Variants in SLMAP observed in about 807,000 individuals in gnomAD.
SLMAP encodes the protein sarcolemma associated protein, also known as sarcolemmal membrane-associated protein.
In SLMAP, 44 loss-of-function variants were observed where a neutral mutation model predicts 128.8. The observed-to-expected ratio is 0.34, with a 90% CI of 0.27 to 0.44. SLMAP has a LOEUF of 0.44. Ranked by LOEUF, SLMAP falls within the 20% of genes least tolerant of loss-of-function variation. The pLI, the probability that SLMAP is intolerant of heterozygous loss-of-function variation, is 1.00. For synonymous variants in SLMAP, 327 were observed against 348.8 expected, an observed-to-expected ratio of 0.94 and a Z score of 0.70; for missense variants, 787 against 985.3, an observed-to-expected ratio of 0.80 and a Z score of 2.69.
intron 21 of SLMAP, among the ~76,000 whole-genome samples, chr3:57,916,092 G>A (rs1377476601): frequency 6.6e-6 from 1 of 151,122 alleles, no homozygotes; most frequent in Admixed American, 6.6e-5. Context: ...GGAGGCAGAG[G>A]TTGCAGTGAG....
At chr3:57,891,980 G>T (rs911831675) in intron 15 of SLMAP, among the ~76,000 whole-genome samples, 1 of 151,872 alleles carries the variant, frequency 6.6e-6, no homozygotes, top group East Asian at 1.9e-4. Context: ...CATTAATAAG[G>T]GTATTTATTA....
intron 2 of SLMAP, among the ~76,000 whole-genome samples, chr3:57,765,905 TAC>T (rs1167392455): frequency 6.6e-6 from 1 of 152,158 alleles, no homozygotes; most frequent in African/African-American, 2.4e-5. Flanking sequence ...ACAGTGTATA[TAC>T]TTAAAGCATT....
Position 57,757,619 on chromosome 3 carries a change from C to A in SLMAP, c.-33C>A. On this transcript the variant is annotated 5_prime_UTR_variant, in exon 2 of 25. Coordinates refer to ENST00000671191, the MANE Select transcript of SLMAP (RefSeq NM_001377540.1). ...GGATCCGGAGGAACTCCTCTTTGTC[C>A]CTGGTAGGAGAGACACCCCCAGTCT... 1 of 1,608,700 alleles carries A rather than the reference C, an allele frequency of 6.2e-7. No individual in the cohort carries two copies. The highest frequency in any genetic ancestry group is 8.5e-7 in the Non-Finnish European group (1 of 1,176,282).
intron 6 of SLMAP, among the ~76,000 whole-genome samples, chr3:57,854,987 A>G (rs974107279): frequency 6.6e-6 from 1 of 152,228 alleles, no homozygotes; most frequent in African/African-American, 2.4e-5. Flanking sequence ...CTACAAACCC[A>G]TACAGCATGT....
intron 2 of SLMAP, among the ~76,000 whole-genome samples, chr3:57,825,859 C>A (rs1349200234): frequency 6.6e-6 from 1 of 152,026 alleles, no homozygotes; most frequent in African/African-American, 2.4e-5. Context: ...TGCCACAAAG[C>A]TTTCCTATAT....
intron 2 of SLMAP, among the ~76,000 whole-genome samples, chr3:57,762,726 T>TC (rs2078935146): frequency 6.8e-6 from 1 of 147,688 alleles, no homozygotes; most frequent in Non-Finnish European, 1.5e-5. Flanking sequence ...TTTTTTTTTT[T>TC]TTTTTTTGAG....
At chr3:57,846,756 A>C (rs2094277046) in intron 4 of SLMAP, among the ~76,000 whole-genome samples, 1 of 151,894 alleles carries the variant, frequency 6.6e-6, no homozygotes, top group Admixed American at 6.6e-5. Context: ...ACAGGGTTTC[A>C]TCATGTTGAC....
rs1000645021 is a variant in SLMAP at position 57,901,034 on chromosome 3, T to C, written c.1501+4102T>C. Reference sequence around the variant, plus strand: ...AGTGCCCTAGTGAAATTTAACGAAATCACCTCATGCCTTTTGTTTGTGTAT... The same window carrying C: ...AGTGCCCTAGTGAAATTTAACGAAACCACCTCATGCCTTTTGTTTGTGTAT... On this transcript the variant is annotated intron_variant, in intron 17 of 24. Transcript: ENST00000671191. The C allele has an allele frequency of 2.0e-5, 3 of 152,146 alleles. No individual in the cohort carries two copies. In the East Asian group the frequency reaches 5.8e-4, roughly 29 times the overall value. 9.4% of individuals were successfully genotyped at this position (152,146 alleles called of 1,614,324 possible).
At chr3:57,913,303 T>TA (rs779801435) in intron 21 of SLMAP, 28 bp downstream of exon 21, 2 of 937,784 alleles carry the variant, frequency 2.1e-6, no homozygotes, top group Admixed American at 4.3e-5. Flanking sequence ...GTTTTTCAGA[T>TA]ATAAAATATT....
intron 6 of SLMAP, among the ~76,000 whole-genome samples, chr3:57,852,942 A>G (rs145294871): frequency 6.6e-6 from 1 of 152,342 alleles, no homozygotes; most frequent in East Asian, 1.9e-4. Flanking sequence ...TCTAATGTAA[A>G]TTGTGAACAT....
intron 4 of SLMAP, 43 bp from the exon 5 acceptor site, chr3:57,847,154 A>C: frequency 1.5e-6 from 2 of 1,321,878 alleles, no homozygotes; most frequent in Non-Finnish European, 2.2e-6. Flanking sequence ...TGTTTCCTCT[A>C]TTGTCCGGAT....
At chr3:57,761,836 A>G (rs2078707324) in intron 2 of SLMAP, among the ~76,000 whole-genome samples, 2 of 149,514 alleles carry the variant, frequency 1.3e-5, no homozygotes, top group Admixed American at 1.3e-4. Flanking sequence ...TCATGAGGTC[A>G]GGAGATCGAG....
chr3:57,851,215 TCTG>T (rs2094485724), intron 6 of SLMAP, among the ~76,000 whole-genome samples: 2 of 152,198 alleles, frequency 1.3e-5, no homozygotes, highest in South Asian at 4.1e-4. Flanking sequence ...CCTCAGATTT[TCTG>T]CTTTGTGTAA....
chr3:57,772,882 C>G (rs186850251), intron 2 of SLMAP, among the ~76,000 whole-genome samples: 1 of 152,072 alleles, frequency 6.6e-6, no homozygotes, highest in African/African-American at 2.4e-5. Flanking sequence ...TTAGGTGATC[C>G]GCCCGCCTCG....
chr3:57,909,026 C>T (rs192042082), intron 18 of SLMAP, 50 bp from the exon 19 acceptor site: 32 of 1,319,852 alleles, frequency 2.4e-5, no homozygotes, highest in Non-Finnish European at 3.1e-5. Flanking sequence ...ACTCTGAGTA[C>T]TTTCATTAAT....
chr3:57,917,271 G>C, intron 22 of SLMAP, 194 bp downstream of exon 22: 1 of 1,399,104 alleles, frequency 7.1e-7, no homozygotes, highest in Middle Eastern at 2.0e-4. Context: ...CTTCAGTAGG[G>C]TTGGTCTCAA....
chr3:57,856,312 A>G (rs1560268242), intron 6 of SLMAP, among the ~76,000 whole-genome samples: 1 of 152,208 alleles, frequency 6.6e-6, no homozygotes, highest in Non-Finnish European at 1.5e-5. Context: ...TACAAGTTTT[A>G]AAACCTTTTT....
chr3:57,869,163 G>A (rs1170343251), intron 13 of SLMAP, among the ~76,000 whole-genome samples: 1 of 149,876 alleles, frequency 6.7e-6, no homozygotes, highest in African/African-American at 2.5e-5. Context: ...TTCCAAAACT[G>A]AAGAACTTGG....
chr3:57,921,236 G>A (rs1317017711), intron 22 of SLMAP, among the ~76,000 whole-genome samples: 1 of 152,106 alleles, frequency 6.6e-6, no homozygotes, highest in Non-Finnish European at 1.5e-5. Flanking sequence ...AAAGGCAGAT[G>A]GTCTTTAAAA....
Sources: allele counts gnomAD v4.1 joint callset (sites outside exome capture counted in the v4.1 genomes callset), GRCh38; gene constraint gnomAD v4.1.1; transcripts MANE v1.5; gene names NCBI Gene and HGNC (gene_info 2026-07-23, HGNC 2026-07-21).